Variants in MTFR2 observed in about 807,000 individuals in gnomAD.
MTFR2 encodes the protein mitochondrial fission regulator 2, also known as DUF729 domain-containing protein 1.
Under a neutral mutation model 41.2 loss-of-function variants are expected in MTFR2, and 44 were observed. The ratio of observed to expected loss-of-function variants is 1.07; its 90% CI spans 0.84 to 1.37. MTFR2 has a LOEUF of 1.37. MTFR2 is among the 40% of genes most tolerant of loss of function. The probability of loss-of-function intolerance (pLI) is 0.00; values close to 1 mark genes in which losing one functional copy is unlikely to be tolerated. For synonymous variants in MTFR2, 141 were observed against 154.6 expected (o/e 0.91, Z 0.65); for missense variants, 452 against 459.5 (o/e 0.98, Z 0.15).
In MTFR2 at chr6:136,233,376, T is replaced by C. The variant is rs1237675952; in HGVS notation, c.993A>G (p.Lys331=). The change falls in exon 7 of 8, where the codon AAA becomes AAG. Residue 331 remains lysine (K), a synonymous_variant. Coordinates refer to ENST00000420702, the MANE Select transcript of MTFR2 (RefSeq NM_001099286.3). ...GGGAAGATTCCCAAGATCTATTCTC[T>C]TTCTCAAAAGAATCATCTTCTTGAA... ...FAFQEDDSFE[K]ENRSWESSPF... is the part of the protein sequence containing the mutation. The C allele has an allele frequency of 5.6e-6, 9 of 1,612,378 alleles. No homozygotes were observed. The highest frequency in any genetic ancestry group is 1.3e-5 in the African/African-American group (1 of 74,912).
intron 2 of MTFR2, among the ~76,000 whole-genome samples, chr6:136,248,261 T>G (rs1780266468): frequency 6.6e-6 from 1 of 152,228 alleles, no homozygotes; most frequent in Non-Finnish European, 1.5e-5. Context: ...CAGCAGATTT[T>G]CAACAAGTAG....
intron 5 of MTFR2, among the ~76,000 whole-genome samples, chr6:136,240,731 C>T (rs549799120): frequency 1.3e-5 from 2 of 152,172 alleles, no homozygotes; most frequent in Non-Finnish European, 2.9e-5. Flanking sequence ...TGCCTCAAAC[C>T]TATATCCTCT....
intron 2 of MTFR2, among the ~76,000 whole-genome samples, chr6:136,247,868 AC>A (rs1780254045): frequency 6.6e-6 from 1 of 152,236 alleles, no homozygotes; most frequent in Admixed American, 6.5e-5. Context: ...AAATATCAAA[AC>A]AAAGCAGATA....
chr6:136,240,104 A>T (rs908625658), intron 5 of MTFR2, among the ~76,000 whole-genome samples: 1 of 152,212 alleles, frequency 6.6e-6, no homozygotes, highest in South Asian at 2.1e-4. Flanking sequence ...TCAGTAATTC[A>T]CATACACTCT....
chr6:136,232,937 C>A (rs1779799861), intron 7 of MTFR2, among the ~76,000 whole-genome samples: 1 of 152,092 alleles, frequency 6.6e-6, no homozygotes, highest in Non-Finnish European at 1.5e-5. Flanking sequence ...GTATATTTGA[C>A]AGAGAAAAAT....
chr6:136,231,302 G>A lies in MTFR2; in HGVS notation c.1131C>T (p.Asn377=). 1 of 1,612,286 alleles carries A rather than the reference G, an allele frequency of 6.2e-7. No individual in the cohort carries two copies. The highest frequency in any genetic ancestry group is 8.5e-7 in the Non-Finnish European group (1 of 1,179,206). ...AAATCCTTGAGTTTAGAAGGCTTGT[G>A]TTGCTGATACCTTGGTCAACAGCTT... The part of the protein sequence containing the change: ...NTKAVDQGIS[N]TSLLNSRI The change falls in exon 8 of 8, where the codon AAC becomes AAT. Residue 377 remains asparagine (N), a synonymous_variant. Transcript: ENST00000420702.
intron 1 of MTFR2, among the ~76,000 whole-genome samples, chr6:136,249,769 C>T (rs1189891319): frequency 6.6e-6 from 1 of 152,158 alleles, no homozygotes; most frequent in Non-Finnish European, 1.5e-5. Flanking sequence ...TACTCATTTG[C>T]CTTCAGCAAT....
chr6:136,240,635 AT>A (rs1035518668), intron 5 of MTFR2, among the ~76,000 whole-genome samples: 1 of 152,172 alleles, frequency 6.6e-6, no homozygotes, highest in African/African-American at 2.4e-5. Context: ...ATCTCTATAA[AT>A]TTATAAAACA....
At chr6:136,247,497 A>T (rs1401314970) in intron 2 of MTFR2, 2 of 456,060 alleles carry the variant, frequency 4.4e-6, no homozygotes, top group Non-Finnish European at 8.8e-6. Flanking sequence ...TCTCATGTGG[A>T]TCTTAAATTT....
At chr6:136,248,809 C>T in intron 2 of MTFR2, 1 of 482,846 alleles carries the variant, frequency 2.1e-6, no homozygotes. Context: ...ATTTTGCTTC[C>T]TTTGTATCTT....
At position 136,239,525 on chromosome 6, in the gene MTFR2, AAT is replaced by A. The variant is rs771447481; in HGVS notation, c.808_809del (p.Ile270SerfsTer12). ...HHSKSQRNKD[I>X]PNMLDVLKDM... ...CCTTTAGAACGTCCAACATGTTTGGAATATCTTTATTTCTCTGGCTTTTTGAA... is the reference window on the plus strand; with the variant it reads ...CCTTTAGAACGTCCAACATGTTTGGAATCTTTATTTCTCTGGCTTTTTGAA... On this transcript the variant is annotated frameshift_variant, in exon 6 of 8. Transcript: ENST00000420702. LOFTEE classifies it high-confidence loss of function. 1.9e-6 allele frequency: 3 copies of A among 1,613,992 alleles called. No individual in the cohort carries two copies. The highest frequency in any genetic ancestry group is 2.5e-6 in the Non-Finnish European group (3 of 1,180,016).
chr6:136,237,900 A>C (rs1779950936), intron 6 of MTFR2, among the ~76,000 whole-genome samples: 1 of 152,182 alleles, frequency 6.6e-6, no homozygotes, highest in Non-Finnish European at 1.5e-5. Context: ...AAGCTATAGG[A>C]AGATATGACA....
Position 136,244,790 on chromosome 6 carries a change from T to C in MTFR2, c.143A>G (p.Glu48Gly). The C allele has an allele frequency of 6.2e-7, 1 of 1,612,622 alleles. No homozygotes were observed. Among genetic ancestry groups the C allele is most frequent in the Non-Finnish European group, 8.5e-7 (1 of 1,179,346 alleles). The change falls in exon 3 of 8, where the codon GAA (glutamate) becomes GGA (glycine). Residue 48 changes from glutamate to glycine, a missense_variant. Glu to Gly is a moderately conservative substitution (Grantham distance 98, BLOSUM62 -2). Transcript: ENST00000420702. Reference sequence around the variant, plus strand: ...CTCAAAATTAGGTCTTCGACAAGGTTCCAGTGGAAGCATTTTCCCAATAAT... The same window carrying C: ...CTCAAAATTAGGTCTTCGACAAGGTCCCAGTGGAAGCATTTTCCCAATAAT... Reference protein sequence around the residue: ...VRIIGKMLPLEPCRRPNFELI... With the variant: ...VRIIGKMLPLGPCRRPNFELI...
At chr6:136,232,709 C>T (rs1301453889) in intron 7 of MTFR2, among the ~76,000 whole-genome samples, 1 of 152,132 alleles carries the variant, frequency 6.6e-6, no homozygotes, top group Non-Finnish European at 1.5e-5. Flanking sequence ...ACTACCTCAA[C>T]TAAATTAAGA....
intron 6 of MTFR2, 24 bp downstream of exon 6, chr6:136,239,442 A>G (rs1208413127): frequency 6.6e-7 from 1 of 1,523,688 alleles, no homozygotes; most frequent in East Asian, 2.3e-5. Flanking sequence ...ATTTCAGTTC[A>G]CTTTTCAAAT....
intron 6 of MTFR2, among the ~76,000 whole-genome samples, chr6:136,237,833 A>G (rs1779948509): frequency 6.6e-6 from 1 of 152,120 alleles, no homozygotes; most frequent in Non-Finnish European, 1.5e-5. Flanking sequence ...AAAAGAATAA[A>G]AGAACATTTT....
At chr6:136,235,048 T>C (rs1457684983) in intron 6 of MTFR2, among the ~76,000 whole-genome samples, 12 of 152,092 alleles carry the variant, frequency 7.9e-5, no homozygotes, top group Admixed American at 7.9e-4. Flanking sequence ...CGCCATCATG[T>C]CAGGGTAATT....
At chr6:136,242,228 T>A (rs1473290017) in intron 4 of MTFR2, among the ~76,000 whole-genome samples, 1 of 151,960 alleles carries the variant, frequency 6.6e-6, no homozygotes, top group Non-Finnish European at 1.5e-5. Flanking sequence ...GACCAGTCAG[T>A]GACCAGGGAA....
At chr6:136,247,391 T>C in intron 2 of MTFR2, 1 of 394,858 alleles carries the variant, frequency 2.5e-6, no homozygotes, top group Non-Finnish European at 4.9e-6. Context: ...TCACTTTCAT[T>C]CTGTTCTTTA....
Sources: gnomAD v4.1 joint callset for allele counts (sites outside exome capture counted in the v4.1 genomes callset) on GRCh38, gnomAD v4.1.1 for gene constraint, MANE v1.5 for transcripts, NCBI Gene and HGNC (gene_info 2026-07-23, HGNC 2026-07-21) for gene names.